Variants in PARL observed in about 807,000 individuals in gnomAD.
The protein encoded by PARL is presenilin-associated rhomboid-like protein, mitochondrial.
Under a neutral mutation model 51.6 loss-of-function variants are expected in PARL, and 44 were observed. The observed-to-expected ratio is 0.85, with a 90% CI of 0.67 to 1.10. PARL has a LOEUF of 1.10. Ranked by LOEUF, PARL falls within the 50% of genes least tolerant of loss-of-function variation. The pLI, the probability that PARL is intolerant of heterozygous loss-of-function variation, is 0.00. For missense variants in PARL, 441 were observed against 469.5 expected (o/e 0.94, Z 0.56); for synonymous variants, 172 against 164.0 (o/e 1.05, Z -0.37).
At chr3:183,844,512 G>A in intron 4 of PARL, 186 bp from the exon 5 acceptor site, 1 of 545,244 alleles carries the variant, frequency 1.8e-6, no homozygotes, top group Non-Finnish European at 3.3e-6. Flanking sequence ...GCCTAGGGTT[G>A]GTAAAGTCAC....
At chr3:183,858,497 T>G (rs1379932891) in intron 4 of PARL, among the ~76,000 whole-genome samples, 2 of 152,196 alleles carry the variant, frequency 1.3e-5, no homozygotes, top group Non-Finnish European at 2.9e-5. Context: ...GCGATCTCTC[T>G]CCCTATCCTT....
chr3:183,842,845 T>G (rs1459080602), intron 5 of PARL, among the ~76,000 whole-genome samples: 1 of 92,578 alleles, frequency 1.1e-5, no homozygotes, highest in African/African-American at 4.1e-5. Context: ...GAAACAAACA[T>G]GGAAAACAAA....
intron 9 of PARL, among the ~76,000 whole-genome samples, chr3:183,829,920 C>T (rs1300015113): frequency 2.0e-5 from 3 of 152,218 alleles, no homozygotes; most frequent in African/African-American, 7.2e-5. Context: ...GAATGCTCCG[C>T]AGTGTGTGAG....
chr3:183,868,092 A>T, intron 1 of PARL, 32 bp from the exon 2 acceptor site: 1 of 1,520,640 alleles, frequency 6.6e-7, no homozygotes, highest in Admixed American at 1.7e-5. Context: ...TGAGAAACAC[A>T]GTAGCGTCTT....
intron 1 of PARL, among the ~76,000 whole-genome samples, chr3:183,873,380 C>T (rs1399847008): frequency 6.6e-6 from 1 of 151,862 alleles, no homozygotes; most frequent in African/African-American, 2.4e-5. Context: ...GTGGCGCACG[C>T]CTGTATTTTG....
intron 3 of PARL, among the ~76,000 whole-genome samples, chr3:183,864,272 A>G (rs984905153): frequency 5.3e-5 from 8 of 152,194 alleles, no homozygotes; most frequent in African/African-American, 1.9e-4. Flanking sequence ...CATCATTAGC[A>G]AAAAGAAAAT....
chr3:183,867,699 CAA>C (rs111387397), intron 2 of PARL, among the ~76,000 whole-genome samples, 164 bp downstream of exon 2: 16 of 97,102 alleles, frequency 1.6e-4, no homozygotes, highest in African/African-American at 1.7e-4. Context: ...GACTCCGTCT[CAA>C]AAAAAAAAAA....
At position 183,854,532 on chromosome 3, in the gene PARL, GC is replaced by G. The variant is rs751943742; in HGVS notation, c.511+8220del. ...CTACTTGTATGAGGTATCTAAAGTA[GC>G]CAAATGCATAGAAAAAGGAAGTAGA... On this transcript the variant is annotated intron_variant, in intron 4 of 9. Transcript: ENST00000317096. 1.2e-3 allele frequency among the ~76,000 whole-genome samples: 184 copies of G among 152,148 alleles called. 1 individual carries two copies. Among genetic ancestry groups the G allele is most frequent in the Non-Finnish European group, 2.4e-3 (163 of 68,002 alleles).
chr3:183,861,379 A>G (rs954712948), intron 4 of PARL: 6 of 202,670 alleles, frequency 3.0e-5, no homozygotes, highest in African/African-American at 1.4e-4. Flanking sequence ...GAAAGATGTC[A>G]TTGTTGTCCT....
chr3:183,845,938 T>C (rs149079191), intron 4 of PARL, among the ~76,000 whole-genome samples: 120 of 152,284 alleles, frequency 7.9e-4, no homozygotes, highest in African/African-American at 2.7e-3. Flanking sequence ...GCTATGATCA[T>C]GATCAGTCAG....
chr3:183,864,947 A>G (rs1322929993), intron 3 of PARL, among the ~76,000 whole-genome samples: 1 of 140,320 alleles, frequency 7.1e-6, no homozygotes, highest in Non-Finnish European at 1.5e-5. Context: ...AGCACAGTTT[A>G]GAGACACTCA....
chr3:183,844,530 C>A (rs1026947680), intron 4 of PARL: 5 of 532,914 alleles, frequency 9.4e-6, no homozygotes, highest in East Asian at 3.2e-5. Flanking sequence ...CACAGAATTC[C>A]TGGGAAATTG....
At chr3:183,829,043 A>G (rs548404380), downstream of PARL, among the ~76,000 whole-genome samples, 2 of 152,252 alleles carry the variant, frequency 1.3e-5, no homozygotes, top group Non-Finnish European at 2.9e-5. Flanking sequence ...TTTATCTACA[A>G]ATTGAACCTA....
At chr3:183,831,227 C>T (rs1361128346) in intron 9 of PARL, among the ~76,000 whole-genome samples, 1 of 152,230 alleles carries the variant, frequency 6.6e-6, no homozygotes, top group Non-Finnish European at 1.5e-5. Context: ...CTACTTGCCT[C>T]AGCCTCCCAA....
intron 3 of PARL, among the ~76,000 whole-genome samples, chr3:183,865,992 G>A (rs867854321): frequency 6.6e-6 from 1 of 150,486 alleles, no homozygotes; most frequent in Admixed American, 6.7e-5. Flanking sequence ...CGATTCTCCT[G>A]CCTCAGCTTC....
At chr3:183,864,137 GC>G (rs1199993722) in intron 3 of PARL, among the ~76,000 whole-genome samples, 1 of 152,162 alleles carries the variant, frequency 6.6e-6, no homozygotes, top group Non-Finnish European at 1.5e-5. Context: ...ATTTTCACCT[GC>G]AAATATTATC....
Position 183,868,013 on chromosome 3 carries a change from C to G in PARL, c.173G>C (p.Arg58Thr), listed in dbSNP as rs772702781. ...QQKCGFRKAP[R>T]KVEPRRSDPG... ...GTCTGATCTTCGAGGTTCAACCTTC[C>G]TGGGTGCTTTTCTGAATCCGCATTT... The change falls in exon 2 of 10, where the codon AGG (arginine) becomes ACG (threonine). Residue 58 changes from arginine to threonine, a missense_variant. By Grantham distance (71) the Arg-to-Thr change is moderately conservative. Coordinates refer to ENST00000317096, the MANE Select transcript of PARL (RefSeq NM_018622.7). The G allele has an allele frequency of 6.2e-7, 1 of 1,614,180 alleles. No homozygotes were observed. The highest frequency in any genetic ancestry group is 8.5e-7 in the Non-Finnish European group (1 of 1,180,012).
intron 1 of PARL, among the ~76,000 whole-genome samples, chr3:183,882,424 GAGAGAGAGAGAA>G (rs1333737190): frequency 3.3e-5 from 5 of 149,582 alleles, no homozygotes; most frequent in Non-Finnish European, 7.4e-5. Flanking sequence ...TATAGAGAGA[GAGAGAGAGAGAA>G]AGAGAGAGAC....
chr3:183,883,103 T>C (rs951881392), intron 1 of PARL, among the ~76,000 whole-genome samples: 2 of 152,224 alleles, frequency 1.3e-5, no homozygotes, highest in Non-Finnish European at 2.9e-5. Context: ...AATACTAATC[T>C]TCAACATTTC....
Sources: allele counts gnomAD v4.1 joint callset (sites outside exome capture counted in the v4.1 genomes callset), GRCh38; gene constraint gnomAD v4.1.1; transcripts MANE v1.5; gene names NCBI Gene and HGNC (gene_info 2026-07-23, HGNC 2026-07-21).